The following PRR19 variants were observed in gnomAD, a reference collection of about 807,000 sequenced individuals.
PRR19 encodes the protein proline rich 19.
A neutral mutation model predicts 19.2 loss-of-function variants in PRR19; 9 were observed. The ratio of observed to expected loss-of-function variants is 0.47; its 90% CI spans 0.28 to 0.82. The LOEUF (loss-of-function observed/expected upper bound fraction) is 0.82. Among genes scored for constraint, PRR19 ranks in the 40% least tolerant of loss-of-function variants. The probability of loss-of-function intolerance (pLI) is 0.11; values close to 1 mark genes in which losing one functional copy is unlikely to be tolerated. For synonymous variants in PRR19, 190 were observed against 191.0 expected (o/e 0.99, Z 0.04); for missense variants, 457 against 466.0 (o/e 0.98, Z 0.18).
At chr19:42,305,060 T>G (rs972139384) in intron 1 of PRR19, among the ~76,000 whole-genome samples, 4 of 143,988 alleles carry the variant, frequency 2.8e-5, no homozygotes, top group Non-Finnish European at 6.1e-5. Flanking sequence ...AATACAAAGA[T>G]TAGCTGGGCA....
At chr19:42,306,904 GA>G (rs1167244978) in intron 1 of PRR19, 2 of 152,242 alleles carry the variant, frequency 1.3e-5, no homozygotes, top group Non-Finnish European at 2.9e-5. Context: ...CGTCCTCTCA[GA>G]GCCACGAAGC....
At position 42,303,262 on chromosome 19, in the gene PRR19, A is replaced by C. The variant is rs2038669324; in HGVS notation, c.-7+759A>C. ...GCTTGGAGGGTAGAAGAAGGTGCAG[A>C]AAGAGAAAGGAAATTAGAGACGCCT... is the stretch of plus-strand genomic sequence containing the variant. On this transcript the variant is annotated intron_variant, in intron 1 of 2. Transcript: ENST00000341747. 2.0e-5 allele frequency among the ~76,000 whole-genome samples: 3 copies of C among 152,232 alleles called. No homozygotes were observed. In the South Asian group the frequency reaches 6.2e-4, roughly 32 times the overall value.
In PRR19 at chr19:42,310,437, A is replaced by C. The variant is rs1599969126; in HGVS notation, c.768A>C (p.Ala256=). Reference sequence around the variant, plus strand: ...CCACTGCGCACAGGGGGAGTCTGGCACCGCCAAGAGGTCCCTGGCCACCAT... The same window carrying C: ...CCACTGCGCACAGGGGGAGTCTGGCCCCGCCAAGAGGTCCCTGGCCACCAT... ...SMPTAHRGSL[A]PPRGPWPPYF... is the part of the protein sequence containing the mutation. Residue 256 remains alanine, a synonymous_variant, in exon 3 of 3, where the codon GCA becomes GCC. Transcript: ENST00000341747. 1 of 1,614,108 alleles carries C rather than the reference A, an allele frequency of 6.2e-7. No individual in the cohort carries two copies. Among genetic ancestry groups the C allele is most frequent in the Admixed American group, 1.7e-5 (1 of 60,028 alleles).
Position 42,310,735 on chromosome 19 carries a change from T to C in PRR19, c.1066T>C (p.Tyr356His). Residue 356 changes from tyrosine to histidine, a missense_variant, in exon 3 of 3, where the codon TAC (tyrosine) becomes CAC (histidine). Tyr to His is a moderately conservative substitution (Grantham distance 83). Coordinates refer to ENST00000341747, the MANE Select transcript of PRR19 (RefSeq NM_199285.3). ...CTGGTCTTTTCCACCCATGAGACTG[T>C]ACTGAGGAGAGGCTGAGGCTAGGGC... is the stretch of plus-strand genomic sequence containing the variant. ...EAWSFPPMRL[Y>H] is the part of the protein sequence containing the mutation. The C allele has an allele frequency of 6.5e-7, 1 of 1,529,438 alleles. No homozygotes were observed. The highest frequency in any genetic ancestry group is 8.8e-7 in the Non-Finnish European group (1 of 1,137,692). The allele number at this position is 1,529,438 out of a possible 1,614,324, so 94.7% of individuals were successfully genotyped here.
chr19:42,306,211 C>T (rs2038704989), intron 1 of PRR19, among the ~76,000 whole-genome samples: 1 of 152,196 alleles, frequency 6.6e-6, no homozygotes, highest in Admixed American at 6.5e-5. Context: ...GAGACGGAGT[C>T]TCGCTCTGTC....
At chr19:42,305,424 G>A (rs2038697610) in intron 1 of PRR19, among the ~76,000 whole-genome samples, 1 of 151,462 alleles carries the variant, frequency 6.6e-6, no homozygotes, top group Non-Finnish European at 1.5e-5. Context: ...GACTACAGGC[G>A]TGTGCCACCA....
In PRR19 at chr19:42,310,383, C is replaced by T. The variant is rs369650078; in HGVS notation, c.714C>T (p.Thr238=). The T allele has an allele frequency of 1.2e-6, 2 of 1,614,038 alleles. No individual in the cohort carries two copies. The highest frequency in any genetic ancestry group is 1.7e-6 in the Non-Finnish European group (2 of 1,180,014). The part of the protein sequence containing the change: ...QRKQQGTKEF[T]FPMPYTSSMP... Reference sequence around the variant, plus strand: ...AGCAACAAGGGACAAAGGAGTTCACCTTCCCCATGCCCTACACCTCCAGCA... The same window carrying T: ...AGCAACAAGGGACAAAGGAGTTCACTTTCCCCATGCCCTACACCTCCAGCA... Residue 238 remains threonine, a synonymous_variant, in exon 3 of 3, where the codon ACC becomes ACT. Coordinates refer to ENST00000341747, the MANE Select transcript of PRR19 (RefSeq NM_199285.3).
intron 1 of PRR19, among the ~76,000 whole-genome samples, chr19:42,306,395 G>A (rs1169755129): frequency 6.6e-6 from 1 of 152,004 alleles, no homozygotes; most frequent in Non-Finnish European, 1.5e-5. Flanking sequence ...GGATGGTCTT[G>A]ATCTCCTGAC....
At chr19:42,304,154 C>A (rs1176079361) in intron 1 of PRR19, among the ~76,000 whole-genome samples, 3 of 151,754 alleles carry the variant, frequency 2.0e-5, no homozygotes, top group Non-Finnish European at 2.9e-5. Flanking sequence ...GCAGCACACG[C>A]CCGTAGTCCC....
intron 1 of PRR19, among the ~76,000 whole-genome samples, chr19:42,307,466 C>T (rs1249959822): frequency 4.6e-5 from 7 of 151,932 alleles, no homozygotes; most frequent in African/African-American, 1.7e-4. Flanking sequence ...GACAGAGTCT[C>T]GTTGTGTCCC....
intron 1 of PRR19, chr19:42,303,452 C>A (rs887711351): frequency 1.3e-5 from 2 of 152,148 alleles, no homozygotes; most frequent in Non-Finnish European, 2.9e-5. Context: ...AACGCTGCCC[C>A]AAATTAATCT....
intron 1 of PRR19, among the ~76,000 whole-genome samples, chr19:42,304,090 G>A (rs1171807408): frequency 2.8e-5 from 4 of 144,348 alleles, no homozygotes; most frequent in African/African-American, 7.8e-5. Context: ...CCAACATGGC[G>A]AAACCACGTG....
chr19:42,310,226 C>G (rs772738869), intron 2 of PRR19, 41 bp downstream of exon 2: 1 of 1,613,856 alleles, frequency 6.2e-7, no homozygotes, highest in Non-Finnish European at 8.5e-7. Context: ...TTTCCTTTGT[C>G]GGCTCTAGCT....
At chr19:42,303,651 C>A (rs2038674257) in intron 1 of PRR19, 1 of 152,164 alleles carries the variant, frequency 6.6e-6, no homozygotes. Flanking sequence ...TGTTTTCAAT[C>A]CACTTTCCTG....
rs1240762817 is a variant in PRR19 at position 42,310,372 on chromosome 19, A to G, written c.703A>G (p.Lys235Glu). The change falls in exon 3 of 3, where the codon AAG (lysine) becomes GAG (glutamate). Residue 235 changes from lysine to glutamate, a missense_variant. By Grantham distance (56) the Lys-to-Glu change is moderately conservative. Transcript: ENST00000341747. ...GAGGCAAAGGAAGCAACAAGGGACA[A>G]AGGAGTTCACCTTCCCCATGCCCTA... ...QERQRKQQGTKEFTFPMPYTS... is the reference protein window; with the variant it reads ...QERQRKQQGTEEFTFPMPYTS... The G allele has an allele frequency of 6.2e-6, 10 of 1,613,996 alleles. No homozygotes were observed. The highest frequency in any genetic ancestry group is 4.4e-5 in the South Asian group (4 of 91,084).
chr19:42,302,613 G>T (rs759788049), intron 1 of PRR19, 110 bp downstream of exon 1: 82 of 382,272 alleles, frequency 2.1e-4, no homozygotes, highest in East Asian at 5.9e-4. Flanking sequence ...GGCACGGGGT[G>T]GGGGGAGGGA....
chr19:42,309,993 A>C lies in PRR19; in HGVS notation c.409A>C (p.Ser137Arg). The C allele has an allele frequency of 2.5e-6, 4 of 1,614,022 alleles. No homozygotes were observed. Among genetic ancestry groups the C allele is most frequent in the Non-Finnish European group, 3.4e-6 (4 of 1,180,018 alleles). ...TGGAGGTTCGGGCCCAGGCCCACCC[A>C]GTTCCCCAGAGTTGTCTGGCGTGGG... ...VPGGSGPGPP[S>R]SPELSGVGQL... is the part of the protein sequence containing the mutation. The change falls in exon 2 of 3, where the codon AGT (serine) becomes CGT (arginine). Residue 137 changes from serine to arginine, a missense_variant. Coordinates refer to ENST00000341747, the MANE Select transcript of PRR19 (RefSeq NM_199285.3).
intron 1 of PRR19, chr19:42,303,662 G>A (rs952298980): frequency 1.2e-4 from 19 of 152,198 alleles, no homozygotes; most frequent in African/African-American, 4.6e-4. Context: ...CACTTTCCTG[G>A]AACTGGGCCG....
chr19:42,302,478 CA>C lies in PRR19; in HGVS notation c.-31del. Reference sequence around the variant, plus strand: ...CCGATACAGGGCGCCGCCTCCTCTCCAGGGACGGAAGCCTTCACTTAGGAGG... The same window carrying C: ...CCGATACAGGGCGCCGCCTCCTCTCCGGGACGGAAGCCTTCACTTAGGAGG... On this transcript the variant is annotated 5_prime_UTR_variant, in exon 1 of 3. Transcript: ENST00000341747. 2 of 605,616 alleles carry C rather than the reference CA, an allele frequency of 3.3e-6. No individual in the cohort carries two copies. The highest frequency in any genetic ancestry group is 5.7e-6 in the Non-Finnish European group (2 of 348,388). The allele number at this position is 605,616 out of a possible 1,614,324, so 37.5% of individuals were successfully genotyped here.
Sources: allele counts gnomAD v4.1 joint callset (sites outside exome capture counted in the v4.1 genomes callset), GRCh38; gene constraint gnomAD v4.1.1; transcripts MANE v1.5; gene names NCBI Gene and HGNC (gene_info 2026-07-23, HGNC 2026-07-21).